Variants in CDC42BPB observed in about 807,000 individuals in gnomAD.
CDC42BPB encodes serine/threonine-protein kinase MRCK beta.
CDC42BPB carries 37 observed loss-of-function variants against 214.9 expected under a neutral mutation model. The observed-to-expected ratio is 0.17, with a 90% confidence interval of 0.13 to 0.23. The LOEUF is 0.23. Among genes scored for constraint, CDC42BPB ranks in the 10% least tolerant of loss-of-function variants. The pLI is 1.00. For synonymous variants in CDC42BPB, 931 were observed against 884.0 expected (o/e 1.05, Z -0.94); for missense variants, 1,694 against 2,227.0 (o/e 0.76, Z 4.82).
rs998031684 is a variant in CDC42BPB at position 102,954,192 on chromosome 14, C to A, written c.3066+6G>T. On this transcript the variant is annotated splice_donor_region_variant and intron_variant, in intron 23 of 36. Transcript: ENST00000361246. ...AAGGCGCCCCGGGTGAAAGCAAGGC[C>A]CCTACCTTCGGTCCAGCCAGAGCCA... The A allele has an allele frequency of 6.0e-5, 93 of 1,543,218 alleles. No homozygotes were observed. Among genetic ancestry groups the A allele is most frequent in the Non-Finnish European group, 8.0e-5 (91 of 1,140,726 alleles).
At position 102,971,982 on chromosome 14, in the gene CDC42BPB, C is replaced by T. The variant is rs1239966591; in HGVS notation, c.1821G>A (p.Val607=). The part of the protein sequence containing the change: ...QLRDKEEEME[V]ATQKVDAMRQ... ...GCATGGCGTCCACCTTCTGCGTGGC[C>T]ACCTCCATCTCCTCCTCCTTGTCTC... Residue 607 remains valine, a synonymous_variant, in exon 13 of 37, where the codon GTG becomes GTA. Coordinates refer to ENST00000361246, the MANE Select transcript of CDC42BPB (RefSeq NM_006035.4). 6.2e-7 allele frequency: 1 copy of T among 1,614,132 alleles called. No individual in the cohort carries two copies.
chr14:102,943,802 G>A lies in CDC42BPB; in HGVS notation c.4408+89C>T. On this transcript the variant is annotated intron_variant, in intron 30 of 36. Transcript: ENST00000361246. The surrounding 1 kb of genome is among the most constrained non-coding windows in gnomAD (Gnocchi z 4.6). ...TCTGTGACTACTCAACTAAGGGACT[G>A]GAAGACAAACCAAAGCAAAATCGAA... 8.1e-7 allele frequency: 1 copy of A among 1,230,784 alleles called. No individual in the cohort carries two copies. Among genetic ancestry groups the A allele is most frequent in the Admixed American group, 2.1e-5 (1 of 48,210 alleles). The allele number at this position is 1,230,784 out of a possible 1,614,324, so 76.2% of individuals were successfully genotyped here. A position where few individuals can be genotyped will look rare whatever the true frequency, so the allele number is the denominator to read the frequency against.
intron 1 of CDC42BPB, among the ~76,000 whole-genome samples, chr14:103,056,007 T>G (rs1259962350): frequency 1.3e-5 from 2 of 152,244 alleles, no homozygotes; most frequent in African/African-American, 4.8e-5. Flanking sequence ...TCTGAGGGTC[T>G]TGACCGGCAC....
intron 11 of CDC42BPB, 132 bp from the exon 12 acceptor site, chr14:102,974,281 T>C (rs937018249): frequency 1.8e-5 from 24 of 1,316,044 alleles, no homozygotes; most frequent in South Asian, 1.7e-4. Flanking sequence ...TTTTTTTACT[T>C]ACACACACAC....
At chr14:102,985,459 G>A (rs146685110) in intron 6 of CDC42BPB, among the ~76,000 whole-genome samples, 1,743 of 152,252 alleles carry the variant, frequency 0.011, 41 homozygotes, top group African/African-American at 0.04. Flanking sequence ...GTGGAGGTGT[G>A]GAGGGTAACC....
intron 8 of CDC42BPB, among the ~76,000 whole-genome samples, chr14:102,979,866 T>C (rs1175939847): frequency 6.6e-6 from 1 of 152,164 alleles, no homozygotes; most frequent in African/African-American, 2.4e-5. Context: ...CAGAGCCGAC[T>C]GGAACACCAA....
intron 1 of CDC42BPB, among the ~76,000 whole-genome samples, chr14:103,047,057 G>A (rs1165186632): frequency 6.6e-6 from 1 of 151,636 alleles, no homozygotes; most frequent in Non-Finnish European, 1.5e-5. Context: ...AGGCCAAGGC[G>A]GGTGGATCAC....
At chr14:102,991,821 T>G (rs749097507) in intron 5 of CDC42BPB, among the ~76,000 whole-genome samples, 27 of 152,222 alleles carry the variant, frequency 1.8e-4, no homozygotes, top group Non-Finnish European at 3.1e-4. Context: ...AAAGAAAACT[T>G]TTAAAAGAAT....
chr14:102,984,698 A>C (rs192592689), intron 6 of CDC42BPB, among the ~76,000 whole-genome samples: 117 of 152,140 alleles, frequency 7.7e-4, no homozygotes, highest in Middle Eastern at 3.4e-3. Context: ...TGACGGGCTG[A>C]GTCTCTAAGA....
intron 14 of CDC42BPB, 31 bp downstream of exon 14, chr14:102,970,120 G>T (rs966578854): frequency 1.7e-5 from 26 of 1,550,082 alleles, no homozygotes; most frequent in Non-Finnish European, 2.3e-5. Context: ...ATCCCTCTCA[G>T]TTAAGGGCAG....
intron 5 of CDC42BPB, among the ~76,000 whole-genome samples, chr14:102,989,973 A>G (rs1319467329): frequency 3.9e-5 from 6 of 152,226 alleles, no homozygotes; most frequent in African/African-American, 1.4e-4. Flanking sequence ...ACAAAGGATA[A>G]ACAAGAAAAC....
intron 1 of CDC42BPB, among the ~76,000 whole-genome samples, chr14:103,029,456 T>C (rs1460068247): frequency 6.7e-6 from 1 of 150,106 alleles, no homozygotes; most frequent in African/African-American, 2.5e-5. Flanking sequence ...GGCAGGAGAA[T>C]GGCATGAACC....
intron 17 of CDC42BPB, 170 bp from the exon 18 acceptor site, chr14:102,966,557 G>A (rs940745729): frequency 7.7e-5 from 75 of 979,552 alleles, no homozygotes; most frequent in Non-Finnish European, 8.7e-5. Flanking sequence ...TGGATGCGTC[G>A]TTACATTGCA....
chr14:102,962,857 A>C (rs1180108406), intron 20 of CDC42BPB, among the ~76,000 whole-genome samples: 2 of 152,230 alleles, frequency 1.3e-5, no homozygotes, highest in Admixed American at 6.5e-5. Flanking sequence ...CTCAAAAAAA[A>C]AGGAAGGATA....
At chr14:103,055,437 A>C (rs1255938343) in intron 1 of CDC42BPB, among the ~76,000 whole-genome samples, 1 of 152,246 alleles carries the variant, frequency 6.6e-6, no homozygotes, top group Non-Finnish European at 1.5e-5. Flanking sequence ...AAAAGAAAGA[A>C]AAGGTAAACA....
At chr14:103,053,550 T>G (rs1190219) in intron 1 of CDC42BPB, among the ~76,000 whole-genome samples, 3 of 151,880 alleles carry the variant, frequency 2.0e-5, no homozygotes, top group Non-Finnish European at 2.9e-5. Context: ...TCACGAGGTC[T>G]GGAGATCGAG....
intron 19 of CDC42BPB, 64 bp from the exon 20 acceptor site, chr14:102,963,219 G>T (rs932943487): frequency 3.2e-6 from 5 of 1,551,876 alleles, no homozygotes; most frequent in Non-Finnish European, 4.3e-6. Flanking sequence ...CTGGTATGGG[G>T]CAGGTCAGGA....
rs184415296 is a variant in CDC42BPB, at chr14:103,006,094, T to C, written c.352-2071A>G. The stretch of plus-strand genomic sequence containing the variant: ...ATGACAACATGACAAGCGGTCAACA[T>C]TCAGCTTGCTAATGTCCAGACATGC... On this transcript the variant is annotated intron_variant, in intron 3 of 36. Coordinates refer to ENST00000361246, the MANE Select transcript of CDC42BPB (RefSeq NM_006035.4). Among the ~76,000 whole-genome samples the C allele has an allele frequency of 4.5e-3, 675 of 151,430 alleles. 6 individuals are homozygous for C. Among genetic ancestry groups the C allele is most frequent in the Non-Finnish European group, 7.8e-3 (529 of 67,964 alleles).
chr14:102,949,629 A>G (rs997431083), intron 26 of CDC42BPB, 136 bp downstream of exon 26: 43 of 1,167,944 alleles, frequency 3.7e-5, no homozygotes, highest in Admixed American at 4.5e-5. Context: ...AGCTGTACCC[A>G]TTTTTGCAAC....
Sources: gnomAD v4.1 joint callset for allele counts (sites outside exome capture counted in the v4.1 genomes callset) on GRCh38, gnomAD v4.1.1 for gene constraint, Gnocchi (gnomAD v3.1) non-coding constraint, MANE v1.5 for transcripts, NCBI Gene and HGNC (gene_info 2026-07-23, HGNC 2026-07-21) for gene names.